The following LHFPL3 variants were observed in gnomAD, a reference collection of about 807,000 sequenced individuals.
The protein encoded by LHFPL3 is LHFPL tetraspan subfamily member 3 protein.
LHFPL3 carries 5 observed loss-of-function variants against 19.3 expected under a neutral mutation model. The observed-to-expected ratio is 0.26, with a 90% CI of 0.14 to 0.54. LHFPL3 has a LOEUF of 0.54. LHFPL3 is among the 20% of genes least tolerant of loss of function. The pLI is 0.94. For synonymous variants in LHFPL3, 133 were observed against 126.2 expected, an observed-to-expected ratio of 1.05 and a Z score of -0.36; for missense variants, 249 against 307.4, an observed-to-expected ratio of 0.81 and a Z score of 1.42.
chr7:104,844,460 T>C (rs1473589886), intron 2 of LHFPL3, among the ~76,000 whole-genome samples: 1 of 152,230 alleles, frequency 6.6e-6, no homozygotes, highest in Non-Finnish European at 1.5e-5. Flanking sequence ...TAATCCAGAA[T>C]GTGAAATGAT....
At chr7:104,471,199 G>A (rs1792901153) in intron 1 of LHFPL3, among the ~76,000 whole-genome samples, 1 of 152,086 alleles carries the variant, frequency 6.6e-6, no homozygotes, top group Admixed American at 6.6e-5. Flanking sequence ...TGGTGTTAAT[G>A]GTTTCTTGGA....
In LHFPL3 at chr7:104,728,178, CA is replaced by C. The variant is rs200912677; in HGVS notation, c.446-8496del. Among the ~76,000 whole-genome samples, 979 of 152,232 alleles carry C rather than the reference CA, an allele frequency of 6.4e-3. 6 individuals are homozygous for C. The highest frequency in any genetic ancestry group is 9.2e-3 in the Non-Finnish European group (626 of 68,000). On this transcript the variant is annotated intron_variant, in intron 1 of 2. Coordinates refer to ENST00000424859, the MANE Select transcript of LHFPL3 (RefSeq NM_199000.3). Reference sequence around the variant, plus strand: ...TCTCCCAGGCAGTCTTTCTACTTGTCACCCCTCTTGGTCTCTGTCTCCTCCA... The same window carrying C: ...TCTCCCAGGCAGTCTTTCTACTTGTCCCCCTCTTGGTCTCTGTCTCCTCCA...
chr7:104,804,872 A>G (rs1375438781), intron 2 of LHFPL3, among the ~76,000 whole-genome samples: 2 of 152,166 alleles, frequency 1.3e-5, no homozygotes, highest in African/African-American at 4.8e-5. Context: ...CCAACTCCTG[A>G]CCTAGAAACT....
chr7:104,489,423 G>T (rs923045827), intron 1 of LHFPL3, among the ~76,000 whole-genome samples: 4 of 151,950 alleles, frequency 2.6e-5, no homozygotes, highest in Non-Finnish European at 4.4e-5. Context: ...TTATCTTGCA[G>T]ATGATGTACA....
intron 1 of LHFPL3, among the ~76,000 whole-genome samples, chr7:104,466,693 A>C (rs1792792111): frequency 6.6e-6 from 1 of 152,240 alleles, no homozygotes; most frequent in South Asian, 2.1e-4. Context: ...CTTTACAGAT[A>C]AGTAGAACTG....
At chr7:104,862,577 T>C (rs994456618) in intron 2 of LHFPL3, among the ~76,000 whole-genome samples, 9 of 152,120 alleles carry the variant, frequency 5.9e-5, no homozygotes, top group African/African-American at 2.2e-4. Context: ...TCTTAATGCT[T>C]CCTTCTGCTT....
intron 1 of LHFPL3, among the ~76,000 whole-genome samples, chr7:104,525,929 ATCTC>A (rs779154512): frequency 5.9e-5 from 9 of 151,932 alleles, no homozygotes; most frequent in Non-Finnish European, 8.8e-5. Context: ...GACTCTGCTT[ATCTC>A]TCCTTGGCTT....
chr7:104,477,496 G>A (rs1793044256), intron 1 of LHFPL3, among the ~76,000 whole-genome samples: 1 of 152,136 alleles, frequency 6.6e-6, no homozygotes. Context: ...AAGAGTGGAT[G>A]ATGATTAAAG....
chr7:104,707,434 A>G (rs974433729), intron 1 of LHFPL3, among the ~76,000 whole-genome samples: 1 of 152,224 alleles, frequency 6.6e-6, no homozygotes, highest in African/African-American at 2.4e-5. Flanking sequence ...TGTACTGACC[A>G]CTAATCAGAT....
intron 1 of LHFPL3, among the ~76,000 whole-genome samples, chr7:104,446,501 A>G (rs371253245): frequency 6.6e-6 from 1 of 152,178 alleles, no homozygotes. Flanking sequence ...CTCTCTGAGC[A>G]GGAAGATTCT....
intron 1 of LHFPL3, among the ~76,000 whole-genome samples, chr7:104,723,025 C>T (rs911416822): frequency 2.6e-5 from 4 of 152,112 alleles, no homozygotes; most frequent in Admixed American, 2.0e-4. Context: ...GTCATAGGCC[C>T]CCTATTGCTT....
chr7:104,650,379 G>A (rs1374062677), intron 1 of LHFPL3, among the ~76,000 whole-genome samples: 1 of 152,164 alleles, frequency 6.6e-6, no homozygotes. Context: ...ACGACTCCCA[G>A]ACAAAAAGGG....
rs1790984223 is a variant in LHFPL3, at chr7:104,602,133, G to T, written c.446-134542G>T. Among the ~76,000 whole-genome samples the T allele has an allele frequency of 3.0e-5, 4 of 133,210 alleles. No individual in the cohort carries two copies. In the South Asian group the frequency reaches 1.0e-3, roughly 33 times the overall value. The allele number at this position is 133,210 out of a possible 152,430, so 87.4% of individuals were successfully genotyped here. ...CCTCCTGGATTCAAGCAATTCTCCT[G>T]CCTCAGCCTCCCAAGTAGCTGGGAT... On this transcript the variant is annotated intron_variant, in intron 1 of 2. Transcript: ENST00000424859.
At chr7:104,524,160 T>A (rs1279840671) in intron 1 of LHFPL3, among the ~76,000 whole-genome samples, 1 of 152,084 alleles carries the variant, frequency 6.6e-6, no homozygotes, top group East Asian at 1.9e-4. Flanking sequence ...CAGAGGTAGA[T>A]GATAGGAATG....
At chr7:104,698,342 T>G (rs1288966730) in intron 1 of LHFPL3, among the ~76,000 whole-genome samples, 1 of 152,236 alleles carries the variant, frequency 6.6e-6, no homozygotes, top group Non-Finnish European at 1.5e-5. Context: ...CAATTAAAGT[T>G]AACCATTTCT....
At chr7:104,337,020 CT>C (rs139792178) in intron 1 of LHFPL3, among the ~76,000 whole-genome samples, 9 of 150,938 alleles carry the variant, frequency 6.0e-5, no homozygotes, top group African/African-American at 1.5e-4. Context: ...ATCACAGGCC[CT>C]TTTTTTTTAA....
At chr7:104,872,751 G>T (rs1791860656) in intron 2 of LHFPL3, among the ~76,000 whole-genome samples, 1 of 152,146 alleles carries the variant, frequency 6.6e-6, no homozygotes, top group Non-Finnish European at 1.5e-5. Context: ...AACACACGGA[G>T]CTGTCATCTT....
chr7:104,441,684 T>A (rs1250241532), intron 1 of LHFPL3, among the ~76,000 whole-genome samples: 1 of 152,216 alleles, frequency 6.6e-6, no homozygotes, highest in African/African-American at 2.4e-5. Flanking sequence ...CAAGTGATTC[T>A]CCGGCCTCAG....
chr7:104,638,165 T>A (rs903506378), intron 1 of LHFPL3, among the ~76,000 whole-genome samples: 2 of 152,180 alleles, frequency 1.3e-5, no homozygotes, highest in Non-Finnish European at 2.9e-5. Flanking sequence ...TGAATGAAAT[T>A]ACGTTCTTTG....
Sources: gnomAD v4.1 joint callset for allele counts (sites outside exome capture counted in the v4.1 genomes callset) on GRCh38, gnomAD v4.1.1 for gene constraint, MANE v1.5 for transcripts, NCBI Gene and HGNC (gene_info 2026-07-23, HGNC 2026-07-21) for gene names.